The following BABAM2 variants were observed in gnomAD, a reference collection of about 807,000 sequenced individuals.
The protein encoded by BABAM2 is BRISC and BRCA1 A complex member 2.
A neutral mutation model predicts 54.7 loss-of-function variants in BABAM2; 31 were observed. The observed-to-expected ratio is 0.57, with a 90% CI of 0.43 to 0.77. BABAM2 has a LOEUF of 0.77. Among genes scored for constraint, BABAM2 ranks in the 30% least tolerant of loss-of-function variants. The pLI, the probability that BABAM2 is intolerant of heterozygous loss-of-function variation, is 0.00. For synonymous variants in BABAM2, 167 were observed against 162.9 expected (o/e 1.03, Z -0.19); for missense variants, 364 against 455.8 (o/e 0.80, Z 1.83).
chr2:28,114,220 G>A (rs936453713), intron 6 of BABAM2, among the ~76,000 whole-genome samples: 1 of 152,162 alleles, frequency 6.6e-6, no homozygotes, highest in African/African-American at 2.4e-5. Context: ...CAGGAAGAGA[G>A]GAAGTCAAAT....
intron 11 of BABAM2, among the ~76,000 whole-genome samples, chr2:28,316,276 C>G (rs771106205): frequency 2.0e-5 from 3 of 152,046 alleles, no homozygotes; most frequent in Non-Finnish European, 4.4e-5. Flanking sequence ...CCTTGTCTCT[C>G]GGGTGATAAA....
chr2:28,115,580 C>G (rs1480682764), intron 6 of BABAM2, among the ~76,000 whole-genome samples: 1 of 151,542 alleles, frequency 6.6e-6, no homozygotes, highest in Non-Finnish European at 1.5e-5. Context: ...GAGCCAAGAT[C>G]GTGCCACTGC....
intron 7 of BABAM2, among the ~76,000 whole-genome samples, chr2:28,199,017 G>A (rs1194816855): frequency 2.0e-5 from 3 of 152,178 alleles, no homozygotes; most frequent in Non-Finnish European, 4.4e-5. Context: ...AAGATTATTA[G>A]AATTTTTGGT....
At chr2:28,299,929 T>C (rs1687979256) in intron 11 of BABAM2, among the ~76,000 whole-genome samples, 1 of 149,774 alleles carries the variant, frequency 6.7e-6, no homozygotes, top group African/African-American at 2.5e-5. Flanking sequence ...TTGATAACTT[T>C]TTATTTTATT....
At chr2:28,248,118 G>T (rs1019638632) in intron 10 of BABAM2, among the ~76,000 whole-genome samples, 3 of 151,480 alleles carry the variant, frequency 2.0e-5, no homozygotes, top group Non-Finnish European at 2.9e-5. Context: ...CATAGCAGTT[G>T]TATAGGCAAT....
At chr2:28,016,551 G>A (rs186204307) in intron 4 of BABAM2, 4 of 622,280 alleles carry the variant, frequency 6.4e-6, no homozygotes, top group Admixed American at 2.4e-5. Flanking sequence ...AAGCGGGCCC[G>A]CCGCAGGTGC....
chr2:28,087,722 C>A (rs1259680275), intron 6 of BABAM2, among the ~76,000 whole-genome samples: 1 of 151,878 alleles, frequency 6.6e-6, no homozygotes, highest in Non-Finnish European at 1.5e-5. Context: ...GATCTTGGCC[C>A]ACTGCAACCT....
At chr2:28,178,464 A>G (rs567297026) in intron 7 of BABAM2, among the ~76,000 whole-genome samples, 103 of 152,102 alleles carry the variant, frequency 6.8e-4, no homozygotes, top group Non-Finnish European at 1.2e-3. Context: ...TAAAAATCAA[A>G]ACATAGCACA....
intron 7 of BABAM2, among the ~76,000 whole-genome samples, chr2:28,142,312 C>T (rs1438739634): frequency 2.0e-5 from 3 of 152,064 alleles, no homozygotes; most frequent in Non-Finnish European, 4.4e-5. Flanking sequence ...CATAATATTG[C>T]AAATAGGACC....
upstream of BABAM2, chr2:27,890,196 C>A (rs1341692162): frequency 3.3e-6 from 5 of 1,523,734 alleles, no homozygotes; most frequent in Non-Finnish European, 3.6e-6. This position sits in a 1 kb window ranked among gnomAD's most constrained non-coding sequence, Gnocchi z 4.8. Context: ...CCACTGGGCG[C>A]ATAGCGCACG....
intron 7 of BABAM2, among the ~76,000 whole-genome samples, chr2:28,147,263 C>T (rs962378347): frequency 1.3e-5 from 2 of 152,316 alleles, no homozygotes; most frequent in Non-Finnish European, 2.9e-5. Context: ...AGTCAAGTTG[C>T]TTCCTTCTTC....
intron 10 of BABAM2, among the ~76,000 whole-genome samples, chr2:28,250,205 A>G (rs967079103): frequency 3.3e-5 from 5 of 151,944 alleles, no homozygotes; most frequent in Admixed American, 2.6e-4. Flanking sequence ...AAGGAAGGCA[A>G]TTCCAGGGAA....
intron 2 of BABAM2, among the ~76,000 whole-genome samples, chr2:27,906,489 C>T (rs778198574): frequency 5.9e-5 from 9 of 152,120 alleles, no homozygotes; most frequent in African/African-American, 1.2e-4. Context: ...TGTTTTATGG[C>T]CTTTTGTATT....
At chr2:28,315,746 A>C (rs1453324354) in intron 11 of BABAM2, among the ~76,000 whole-genome samples, 1 of 151,344 alleles carries the variant, frequency 6.6e-6, no homozygotes, top group Non-Finnish European at 1.5e-5. Flanking sequence ...TCCCATCTTG[A>C]CCTCACAAAG....
chr2:28,146,858 A>G (rs1485447469), intron 7 of BABAM2, among the ~76,000 whole-genome samples: 1 of 152,214 alleles, frequency 6.6e-6, no homozygotes, highest in African/African-American at 2.4e-5. Context: ...GGGACTTTTC[A>G]GTTCAGTTCA....
chr2:27,900,742 A>G (rs1408814391), intron 2 of BABAM2, among the ~76,000 whole-genome samples: 3 of 152,094 alleles, frequency 2.0e-5, no homozygotes, highest in African/African-American at 7.2e-5. Flanking sequence ...AAATGAGTTG[A>G]CATTTTTGAA....
chr2:28,111,825 C>T (rs1350470698), intron 6 of BABAM2, among the ~76,000 whole-genome samples: 1 of 152,168 alleles, frequency 6.6e-6, no homozygotes, highest in Non-Finnish European at 1.5e-5. Flanking sequence ...TAAATGAAGT[C>T]ATCCGCTCAT....
intron 11 of BABAM2, among the ~76,000 whole-genome samples, chr2:28,330,876 C>CAT (rs1690892863): frequency 6.6e-6 from 1 of 152,008 alleles, no homozygotes; most frequent in Non-Finnish European, 1.5e-5. Context: ...CCCGTATAGC[C>CAT]AAGACAATCC....
At chr2:28,192,097 C>T (rs375494245) in intron 7 of BABAM2, among the ~76,000 whole-genome samples, 121 of 151,944 alleles carry the variant, frequency 8.0e-4, no homozygotes, top group Non-Finnish European at 1.4e-3. Context: ...TGCAGTGGCA[C>T]GATCTCGGCT....
Sources: gnomAD v4.1 joint callset for allele counts (sites outside exome capture counted in the v4.1 genomes callset) on GRCh38, gnomAD v4.1.1 for gene constraint, Gnocchi (gnomAD v3.1) non-coding constraint, MANE v1.5 for transcripts, NCBI Gene and HGNC (gene_info 2026-07-23, HGNC 2026-07-21) for gene names.